The following CADM2 variants were observed in gnomAD, a reference collection of about 807,000 sequenced individuals.
CADM2 encodes cell adhesion molecule 2, also known as immunoglobulin superfamily member 4D.
A neutral mutation model predicts 49.8 loss-of-function variants in CADM2; 12 were observed. The ratio of observed to expected loss-of-function variants is 0.24; its 90% confidence interval spans 0.15 to 0.39. The LOEUF is 0.39. CADM2 is among the 10% of genes least tolerant of loss of function. The pLI is 1.00. For synonymous variants in CADM2, 214 were observed against 175.4 expected, an observed-to-expected ratio of 1.22 and a Z score of -1.74; for missense variants, 378 against 492.3, an observed-to-expected ratio of 0.77 and a Z score of 2.20.
chr3:85,442,592 ATATATATATATATATAT>A (rs1184871188), intron 1 of CADM2, among the ~76,000 whole-genome samples: 10 of 10,750 alleles, frequency 9.3e-4, no homozygotes, highest in Non-Finnish European at 8.8e-4. Context: ...ATATGAGTAT[ATATATATATATATATAT>A]ATATATATAT....
At chr3:85,987,173 C>CTT (rs1483788079) in intron 8 of CADM2, among the ~76,000 whole-genome samples, 2 of 151,910 alleles carry the variant, frequency 1.3e-5, no homozygotes, top group Middle Eastern at 3.4e-3. Flanking sequence ...CTGAGAAAAC[C>CTT]TTGTATTTAT....
chr3:85,277,046 G>A (rs1341843644), intron 1 of CADM2, among the ~76,000 whole-genome samples: 1 of 151,214 alleles, frequency 6.6e-6, no homozygotes, highest in Non-Finnish European at 1.5e-5. Context: ...GAAGAAATGA[G>A]TTTGAAAAAG....
chr3:85,715,332 A>AT (rs1036270486), intron 1 of CADM2, among the ~76,000 whole-genome samples: 1 of 152,178 alleles, frequency 6.6e-6, no homozygotes, highest in Non-Finnish European at 1.5e-5. Context: ...AGCAAAAAGT[A>AT]TTTTTTTAGT....
At chr3:85,875,714 G>A (rs1391162341) in intron 3 of CADM2, among the ~76,000 whole-genome samples, 3 of 152,172 alleles carry the variant, frequency 2.0e-5, no homozygotes, top group Admixed American at 1.3e-4. Flanking sequence ...TAGGAGTAAA[G>A]CAGAGTAAGC....
intron 1 of CADM2, among the ~76,000 whole-genome samples, chr3:85,530,746 A>G (rs2061288019): frequency 6.6e-6 from 1 of 152,138 alleles, no homozygotes; most frequent in Non-Finnish European, 1.5e-5. Context: ...CTAGCCAAGT[A>G]TGGCACATAG....
chr3:85,620,954 G>A (rs1197434590), intron 1 of CADM2, among the ~76,000 whole-genome samples: 1 of 152,094 alleles, frequency 6.6e-6, no homozygotes, highest in Non-Finnish European at 1.5e-5. Flanking sequence ...ATTTTGAGGT[G>A]AAATCCAGTT....
intron 1 of CADM2, among the ~76,000 whole-genome samples, chr3:85,281,676 A>T (rs2043502436): frequency 6.6e-6 from 1 of 152,136 alleles, no homozygotes; most frequent in African/African-American, 2.4e-5. Flanking sequence ...CATTTTAATC[A>T]TGTTGCATCA....
chr3:85,143,679 T>C (rs944265102), intron 1 of CADM2, among the ~76,000 whole-genome samples: 2 of 152,176 alleles, frequency 1.3e-5, no homozygotes, highest in African/African-American at 4.8e-5. Flanking sequence ...AAGGGCCTAC[T>C]TACACCTTCT....
At chr3:85,697,699 G>A (rs991944886) in intron 1 of CADM2, among the ~76,000 whole-genome samples, 1 of 152,184 alleles carries the variant, frequency 6.6e-6, no homozygotes. Context: ...CATGGAATAT[G>A]TGAAAAGCAT....
intron 1 of CADM2, among the ~76,000 whole-genome samples, chr3:85,641,362 A>G (rs1380065431): frequency 6.6e-6 from 1 of 152,260 alleles, no homozygotes; most frequent in Non-Finnish European, 1.5e-5. Context: ...ACGTAGAACT[A>G]TAGTGAGAAA....
intron 1 of CADM2, among the ~76,000 whole-genome samples, chr3:85,414,514 C>T (rs1205908160): frequency 6.6e-6 from 1 of 151,824 alleles, no homozygotes; most frequent in Non-Finnish European, 1.5e-5. Flanking sequence ...GGTTTCCTTT[C>T]CTCTCTCTCT....
At chr3:85,859,224 CTTTTTTTTTTTT>C (rs397990427) in intron 3 of CADM2, among the ~76,000 whole-genome samples, 4 of 70,596 alleles carry the variant, frequency 5.7e-5, no homozygotes, top group African/African-American at 1.8e-4. Context: ...TTTTTTTTGT[CTTTTTTTTTTTT>C]TTTTTTTTTT....
At position 85,235,373 on chromosome 3, in the gene CADM2, ATACTTAT is replaced by A. The variant is rs1212881226; in HGVS notation, c.61+275713_61+275719del. ...AAATAAATTTGTACTGCAAACCTAAATACTTATTACTTATGAATTATATCGGAATGGA... is the reference window on the plus strand; with the variant it reads ...AAATAAATTTGTACTGCAAACCTAAATACTTATGAATTATATCGGAATGGA... On this transcript the variant is annotated intron_variant, in intron 1 of 9. Coordinates refer to ENST00000383699, the MANE Select transcript of CADM2 (RefSeq NM_001167675.2). 3.9e-5 allele frequency among the ~76,000 whole-genome samples: 6 copies of A among 152,208 alleles called. No individual in the cohort carries two copies. In the East Asian group the frequency reaches 9.7e-4, roughly 25 times the overall value.
At chr3:85,219,107 G>A (rs186886297) in intron 1 of CADM2, among the ~76,000 whole-genome samples, 2 of 152,220 alleles carry the variant, frequency 1.3e-5, no homozygotes, top group East Asian at 3.9e-4. Context: ...GGTATTATAG[G>A]TATGGTTTTG....
intron 1 of CADM2, among the ~76,000 whole-genome samples, chr3:85,637,619 A>AT (rs60283547): frequency 0.25 from 31,514 of 128,462 alleles, 6,184 homozygotes; most frequent in African/African-American, 0.39. Flanking sequence ...AAAAAAAAAA[A>AT]AAAAAATAAA....
At chr3:85,654,682 A>G (rs2065144396) in intron 1 of CADM2, among the ~76,000 whole-genome samples, 1 of 152,186 alleles carries the variant, frequency 6.6e-6, no homozygotes, top group Non-Finnish European at 1.5e-5. Flanking sequence ...ATGAGTTTAA[A>G]ATTGGATAGC....
At chr3:85,103,891 A>G (rs973336815) in intron 1 of CADM2, among the ~76,000 whole-genome samples, 89 of 152,264 alleles carry the variant, frequency 5.8e-4, no homozygotes, top group African/African-American at 2.1e-3. Context: ...AAGAAATTGG[A>G]TTATTTTTGA....
At chr3:85,026,455 G>T (rs1400319371) in intron 1 of CADM2, among the ~76,000 whole-genome samples, 2 of 152,112 alleles carry the variant, frequency 1.3e-5, no homozygotes, top group African/African-American at 4.8e-5. Flanking sequence ...GCAGAATAAA[G>T]CAAGTTTCCA....
intron 1 of CADM2, among the ~76,000 whole-genome samples, chr3:85,019,105 A>T (rs1434149067): frequency 1.3e-5 from 2 of 152,222 alleles, no homozygotes; most frequent in Admixed American, 1.3e-4. Flanking sequence ...ACTAAAATAT[A>T]ATATGGACAA....
Sources: gnomAD v4.1 joint callset for allele counts (sites outside exome capture counted in the v4.1 genomes callset) on GRCh38, gnomAD v4.1.1 for gene constraint, MANE v1.5 for transcripts, NCBI Gene and HGNC (gene_info 2026-07-23, HGNC 2026-07-21) for gene names.